Variants in CSMD1 observed in about 807,000 individuals in gnomAD.
CSMD1 encodes CUB and Sushi multiple domains 1.
In CSMD1, 213 loss-of-function variants were observed where a neutral mutation model predicts 417.5. The ratio of observed to expected loss-of-function variants is 0.51; its 90% confidence interval spans 0.46 to 0.57. CSMD1 has a LOEUF of 0.57. Ranked by LOEUF, CSMD1 falls within the 20% of genes least tolerant of loss-of-function variation. The pLI, the probability that CSMD1 is intolerant of heterozygous loss-of-function variation, is 0.00. For missense variants in CSMD1, 6,923 were observed against 4,529.7 expected, an observed-to-expected ratio of 1.53 and a Z score of -15.17; for synonymous variants, 2,862 against 1,736.8, an observed-to-expected ratio of 1.65 and a Z score of -16.11.
chr8:4,379,831 G>A (rs1018963388), intron 3 of CSMD1, among the ~76,000 whole-genome samples: 53 of 152,190 alleles, frequency 3.5e-4, no homozygotes, highest in African/African-American at 1.2e-3. Context: ...ACTGTTTGCT[G>A]AAAAAGTGAT....
chr8:3,374,857 C>A (rs1810206168), intron 18 of CSMD1, among the ~76,000 whole-genome samples: 1 of 152,098 alleles, frequency 6.6e-6, no homozygotes, highest in East Asian at 1.9e-4. Context: ...TTCCCCAGAC[C>A]CTGCCAAAGT....
intron 3 of CSMD1, among the ~76,000 whole-genome samples, chr8:4,212,643 A>G (rs540539679): frequency 5.3e-5 from 8 of 151,958 alleles, no homozygotes; most frequent in Non-Finnish European, 1.2e-4. Flanking sequence ...CCACCATGTT[A>G]TCAGTAAAGT....
chr8:3,941,491 T>C (rs1200223063), intron 5 of CSMD1, among the ~76,000 whole-genome samples: 1 of 152,194 alleles, frequency 6.6e-6, no homozygotes, highest in Non-Finnish European at 1.5e-5. Flanking sequence ...TCAAGGTATC[T>C]GAATAAAAGG....
At chr8:3,102,214 T>C (rs1815806251) in intron 46 of CSMD1, among the ~76,000 whole-genome samples, 1 of 152,204 alleles carries the variant, frequency 6.6e-6, no homozygotes, top group South Asian at 2.1e-4. Context: ...AATCAAATAG[T>C]AGAAAAGTAC....
chr8:4,107,043 C>G (rs1031357836), intron 3 of CSMD1, among the ~76,000 whole-genome samples: 1 of 152,176 alleles, frequency 6.6e-6, no homozygotes, highest in East Asian at 1.9e-4. Context: ...ACATATCACG[C>G]GGCACATCTC....
At chr8:3,516,286 C>T (rs115380836) in intron 10 of CSMD1, among the ~76,000 whole-genome samples, 3,401 of 152,262 alleles carry the variant, frequency 0.022, 120 homozygotes, top group African/African-American at 0.078. Flanking sequence ...CCAGTAAATG[C>T]TAAGTTCTGG....
intron 3 of CSMD1, among the ~76,000 whole-genome samples, chr8:4,195,444 G>A (rs1477956912): frequency 1.3e-5 from 2 of 152,104 alleles, no homozygotes; most frequent in Non-Finnish European, 1.5e-5. Flanking sequence ...TAAAAAAGAC[G>A]AGTGTGGCAG....
intron 1 of CSMD1, among the ~76,000 whole-genome samples, chr8:4,943,917 G>C (rs1205064822): frequency 6.6e-6 from 1 of 152,200 alleles, no homozygotes; most frequent in African/African-American, 2.4e-5. Flanking sequence ...GTGATGGAGG[G>C]CCGAGCTGGA....
intron 2 of CSMD1, among the ~76,000 whole-genome samples, chr8:4,620,551 G>A (rs552523820): frequency 3.6e-4 from 54 of 151,818 alleles, no homozygotes; most frequent in South Asian, 1.0e-3. Flanking sequence ...AATAAAAATT[G>A]CACAGAGTAT....
intron 5 of CSMD1, among the ~76,000 whole-genome samples, chr8:3,847,309 C>G (rs768345313): frequency 1.3e-5 from 2 of 152,098 alleles, no homozygotes; most frequent in African/African-American, 2.4e-5. Context: ...TTGGGAGAAC[C>G]TGACCTACTT....
intron 2 of CSMD1, among the ~76,000 whole-genome samples, chr8:4,466,934 A>C (rs1800207840): frequency 6.6e-6 from 1 of 152,010 alleles, no homozygotes; most frequent in Admixed American, 6.6e-5. Flanking sequence ...TTGAAATTAG[A>C]ATTTCCTGTG....
intron 12 of CSMD1, among the ~76,000 whole-genome samples, chr8:3,413,096 G>C (rs1812918289): frequency 6.6e-6 from 1 of 152,034 alleles, no homozygotes; most frequent in South Asian, 2.1e-4. Context: ...TACCTCAAAG[G>C]GTGGCCATGA....
chr8:4,658,319 AC>A (rs1804370771), intron 1 of CSMD1, among the ~76,000 whole-genome samples: 1 of 152,134 alleles, frequency 6.6e-6, no homozygotes, highest in South Asian at 2.1e-4. Context: ...ATTTTGAAAG[AC>A]AAAAACAAAG....
chr8:3,054,775 C>T (rs4604460), intron 49 of CSMD1, among the ~76,000 whole-genome samples: 74,689 of 151,974 alleles, frequency 0.49, 19,129 homozygotes, highest in Non-Finnish European at 0.57. Context: ...AGAAGGAAAA[C>T]GAAAAACCAC....
At chr8:4,535,956 G>A (rs1320679491) in intron 2 of CSMD1, among the ~76,000 whole-genome samples, 4 of 151,856 alleles carry the variant, frequency 2.6e-5, no homozygotes, top group Non-Finnish European at 4.4e-5. Flanking sequence ...TCTTAACAAT[G>A]TTGATGTAAT....
At chr8:3,766,241 G>C (rs1798261029) in intron 5 of CSMD1, among the ~76,000 whole-genome samples, 1 of 152,204 alleles carries the variant, frequency 6.6e-6, no homozygotes. Context: ...TGAGAGAGCT[G>C]TCATGCCCCA....
intron 5 of CSMD1, among the ~76,000 whole-genome samples, chr8:3,961,078 C>G (rs1812292822): frequency 1.3e-5 from 2 of 151,918 alleles, no homozygotes; most frequent in Non-Finnish European, 2.9e-5. Context: ...TGAACATGAA[C>G]AAACTCAAAG....
At chr8:3,400,106 A>T (rs546039164) in intron 15 of CSMD1, among the ~76,000 whole-genome samples, 2 of 152,336 alleles carry the variant, frequency 1.3e-5, no homozygotes, top group South Asian at 4.1e-4. Flanking sequence ...GTTTTGTGAC[A>T]GTGATTTGTA....
At chr8:4,412,018 A>G (rs1471707278) in intron 3 of CSMD1, among the ~76,000 whole-genome samples, 1 of 117,392 alleles carries the variant, frequency 8.5e-6, no homozygotes, top group African/African-American at 2.9e-5. Flanking sequence ...GTGTGTGTGT[A>G]GCCAGGGCAA....
Sources: gnomAD v4.1 joint callset for allele counts (sites outside exome capture counted in the v4.1 genomes callset) on GRCh38, gnomAD v4.1.1 for gene constraint, MANE v1.5 for transcripts, NCBI Gene and HGNC (gene_info 2026-07-23, HGNC 2026-07-21) for gene names.